The following NCOA7 variants were observed in gnomAD, a reference collection of about 807,000 sequenced individuals.
The protein encoded by NCOA7 is nuclear receptor coactivator 7, also known as 140 kDa estrogen receptor-associated protein.
Under a neutral mutation model 104.3 loss-of-function variants are expected in NCOA7, and 45 were observed. The ratio of observed to expected loss-of-function variants is 0.43; its 90% CI spans 0.34 to 0.55. The LOEUF is 0.55. Ranked by LOEUF, NCOA7 falls within the 20% of genes least tolerant of loss-of-function variation. The pLI, the probability that NCOA7 is intolerant of heterozygous loss-of-function variation, is 0.02. For missense variants in NCOA7, 1,041 were observed against 1,119.7 expected (o/e 0.93, Z 1.00); for synonymous variants, 398 against 402.3 (o/e 0.99, Z 0.13).
intron 1 of NCOA7, among the ~76,000 whole-genome samples, chr6:125,807,984 A>G (rs370376219): frequency 1.3e-5 from 2 of 152,142 alleles, no homozygotes; most frequent in East Asian, 3.8e-4. Flanking sequence ...AATCTATCAA[A>G]TGCCTCTTAA....
rs368090504 is a variant in NCOA7 at position 125,817,011 on chromosome 6, G to A, written c.50+1607G>A. Among the ~76,000 whole-genome samples, 4 of 152,308 alleles carry A rather than the reference G, an allele frequency of 2.6e-5. No individual in the cohort carries two copies. In the East Asian group the frequency reaches 5.8e-4, roughly 22 times the overall value. ...CTAGGTGAATGGAATCATATAGTAT[G>A]TAACCTTTGGCATTTAGCTTTTTCT... On this transcript the variant is annotated intron_variant, in intron 2 of 15. Transcript: ENST00000392477.
rs535624972 is a variant in NCOA7, at chr6:125,860,536, C to T, written c.271+5296C>T. Reference sequence around the variant, plus strand: ...CTAATTTTTGTATTTTTAGTAGAGACGGGGTTTCACCACGTTGGCCAGGCT... The same window carrying T: ...CTAATTTTTGTATTTTTAGTAGAGATGGGGTTTCACCACGTTGGCCAGGCT... On this transcript the variant is annotated intron_variant, in intron 3 of 15. Transcript: ENST00000392477. Among the ~76,000 whole-genome samples the T allele has an allele frequency of 6.5e-4, 99 of 152,170 alleles. 1 individual carries two copies. The highest frequency in any genetic ancestry group is 6.0e-3 in the Admixed American group (91 of 15,270).
chr6:125,807,005 T>C (rs1291897671), intron 1 of NCOA7, among the ~76,000 whole-genome samples: 2 of 152,214 alleles, frequency 1.3e-5, no homozygotes. Context: ...AAACGGTTGC[T>C]CAGTATGTGC....
intron 15 of NCOA7, 55 bp from the exon 16 acceptor site, chr6:125,928,581 G>C: frequency 6.4e-7 from 1 of 1,553,516 alleles, no homozygotes; most frequent in Non-Finnish European, 8.7e-7. Context: ...AGAGAATAGT[G>C]TGTCATGTAA....
intron 3 of NCOA7, among the ~76,000 whole-genome samples, chr6:125,874,041 C>G (rs1245049776): frequency 6.6e-6 from 1 of 152,166 alleles, no homozygotes; most frequent in African/African-American, 2.4e-5. Context: ...ACAGTGAAAT[C>G]TGGCCGGATG....
At chr6:125,882,649 C>T in intron 7 of NCOA7, 98 bp downstream of exon 7, 3 of 1,418,020 alleles carry the variant, frequency 2.1e-6, no homozygotes, top group Non-Finnish European at 2.8e-6. Flanking sequence ...AAAGATCTTA[C>T]CCAAAGTGTC....
chr6:125,855,256 G>A lies in NCOA7; in HGVS notation c.271+16G>A, dbSNP rs752825709. The stretch of plus-strand genomic sequence containing the variant: ...TATAGTATTGGTGAGTATTCATGGC[G>A]TTACTGCAGTATTTTCATTTAAAAA... On this transcript the variant is annotated intron_variant, in intron 3 of 15. Coordinates refer to ENST00000392477, the MANE Select transcript of NCOA7 (RefSeq NM_181782.5). The A allele has an allele frequency of 1.2e-5, 19 of 1,535,360 alleles. No individual in the cohort carries two copies. Among genetic ancestry groups the A allele is most frequent in the African/African-American group, 9.6e-5 (7 of 72,898 alleles).
intron 8 of NCOA7, among the ~76,000 whole-genome samples, chr6:125,887,844 T>C (rs867308568): frequency 6.6e-6 from 1 of 152,202 alleles, no homozygotes; most frequent in African/African-American, 2.4e-5. Context: ...CTAGTAGTAG[T>C]GGTAAGTGGA....
intron 2 of NCOA7, among the ~76,000 whole-genome samples, chr6:125,831,475 GGTTT>G (rs971857354): frequency 4.0e-5 from 6 of 151,406 alleles, no homozygotes; most frequent in Non-Finnish European, 7.4e-5. Flanking sequence ...TTGAAAACCA[GGTTT>G]GTTTGTTTTT....
chr6:125,888,787 A>G, intron 8 of NCOA7, 152 bp from the exon 9 acceptor site: 1 of 506,372 alleles, frequency 2.0e-6, no homozygotes. Flanking sequence ...TTATTTTTTT[A>G]TTCTGAAATC....
Position 125,929,651 on chromosome 6 carries a change from G to C in NCOA7, c.*880G>C, listed in dbSNP as rs969980253. ...TTAGTTACTTACCTTGAACATATTC[G>C]TGTGAAAAAGAATACATCATTTCTC... On this transcript the variant is annotated 3_prime_UTR_variant, in exon 16 of 16. Transcript: ENST00000392477. 2.0e-5 allele frequency: 3 copies of C among 151,872 alleles called. No homozygotes were observed. Among genetic ancestry groups the C allele is most frequent in the Non-Finnish European group, 4.4e-5 (3 of 67,960 alleles). The allele number at this position is 151,872 out of a possible 1,614,324, so 9.4% of individuals were successfully genotyped here.
At chr6:125,839,425 TAGTGA>T (rs2128601934) in intron 2 of NCOA7, among the ~76,000 whole-genome samples, 8 of 152,216 alleles carry the variant, frequency 5.3e-5, no homozygotes, top group African/African-American at 1.9e-4. Flanking sequence ...GCCTAGGCCT[TAGTGA>T]TTTAACTCTA....
intron 1 of NCOA7, among the ~76,000 whole-genome samples, chr6:125,798,921 A>T (rs1775602220): frequency 1.3e-5 from 2 of 152,074 alleles, no homozygotes; most frequent in South Asian, 4.1e-4. Flanking sequence ...CTAATATTTC[A>T]CTTCCTCAAA....
At position 125,928,939 on chromosome 6, in the gene NCOA7, C is replaced by T. The variant is rs1788286947; in HGVS notation, c.*168C>T. The T allele has an allele frequency of 2.9e-5, 20 of 678,090 alleles. No homozygotes were observed. In the East Asian group the frequency reaches 6.0e-4, roughly 20 times the overall value. The allele number at this position is 678,090 out of a possible 1,614,324, so 42.0% of individuals were successfully genotyped here. A position where few individuals can be genotyped will look rare whatever the true frequency, so the allele number is the denominator to read the frequency against. On this transcript the variant is annotated 3_prime_UTR_variant, in exon 16 of 16. Transcript: ENST00000392477. ...ACATTGCAGAAAGATTCTGGAAGGT[C>T]CATGTAGAGGGCAGACATTGAAGAA...
chr6:125,807,699 G>C (rs1271828432), intron 1 of NCOA7, among the ~76,000 whole-genome samples: 1 of 152,132 alleles, frequency 6.6e-6, no homozygotes, highest in Non-Finnish European at 1.5e-5. Context: ...TCTCCAAATG[G>C]CTGATAAGGG....
chr6:125,814,919 T>G (rs1777440633), intron 1 of NCOA7, among the ~76,000 whole-genome samples: 2 of 152,236 alleles, frequency 1.3e-5, no homozygotes, highest in Admixed American at 1.3e-4. Flanking sequence ...GACATATGCC[T>G]TATTAATTGC....
At chr6:125,803,078 G>A (rs1252744402) in intron 1 of NCOA7, among the ~76,000 whole-genome samples, 3 of 152,194 alleles carry the variant, frequency 2.0e-5, no homozygotes, top group African/African-American at 7.2e-5. Flanking sequence ...TGTCTTGAGT[G>A]TGCTCTGATA....
chr6:125,915,615 T>G, intron 11 of NCOA7, 135 bp downstream of exon 11: 1 of 1,076,670 alleles, frequency 9.3e-7, no homozygotes, highest in Non-Finnish European at 1.3e-6. Flanking sequence ...GAAAATAACT[T>G]TATTCCTCCG....
intron 2 of NCOA7, among the ~76,000 whole-genome samples, chr6:125,827,402 T>C (rs1562846180): frequency 6.6e-6 from 1 of 151,728 alleles, no homozygotes; most frequent in Non-Finnish European, 1.5e-5. Context: ...TCAACATGAG[T>C]TTTGGAGGGA....
Sources: allele counts gnomAD v4.1 joint callset (sites outside exome capture counted in the v4.1 genomes callset), GRCh38; gene constraint gnomAD v4.1.1; transcripts MANE v1.5; gene names NCBI Gene and HGNC (gene_info 2026-07-23, HGNC 2026-07-21).